CTDSPL2: variants seen among roughly 807,000 people sequenced by gnomAD.
The protein encoded by CTDSPL2 is CTD small phosphatase like 2.
CTDSPL2 carries 5 observed loss-of-function variants against 60.0 expected under a neutral mutation model. That is an observed-to-expected ratio of 0.08 (90% CI 0.04 to 0.18). The LOEUF is 0.18. Among genes scored for constraint, CTDSPL2 ranks in the 10% least tolerant of loss-of-function variants. The pLI is 1.00. For synonymous variants in CTDSPL2, 186 were observed against 189.3 expected, an observed-to-expected ratio of 0.98 and a Z score of 0.14; for missense variants, 370 against 548.8, an observed-to-expected ratio of 0.67 and a Z score of 3.26.
intron 1 of CTDSPL2, among the ~76,000 whole-genome samples, chr15:44,430,760 A>C (rs1342285730): frequency 6.6e-6 from 1 of 152,124 alleles, no homozygotes; most frequent in Non-Finnish European, 1.5e-5. Context: ...TTCTGGTTAA[A>C]AGTAAGCTAA....
At chr15:44,515,493 A>C (rs1490927122) in intron 10 of CTDSPL2, among the ~76,000 whole-genome samples, 1 of 152,194 alleles carries the variant, frequency 6.6e-6, no homozygotes, top group Non-Finnish European at 1.5e-5. Flanking sequence ...AGACTGCAGC[A>C]GTCTTGCTGT....
intron 1 of CTDSPL2, among the ~76,000 whole-genome samples, chr15:44,433,055 A>T (rs2079893246): frequency 2.0e-5 from 3 of 151,510 alleles, no homozygotes; most frequent in Non-Finnish European, 4.4e-5. Context: ...GTGGCTCATG[A>T]TTGTAATCCC....
intron 1 of CTDSPL2, among the ~76,000 whole-genome samples, chr15:44,433,785 A>T (rs901998022): frequency 2.0e-5 from 3 of 151,764 alleles, no homozygotes; most frequent in East Asian, 2.0e-4. Context: ...CCCCGTCTCT[A>T]CTAAAAATAC....
intron 5 of CTDSPL2, among the ~76,000 whole-genome samples, chr15:44,492,689 T>C (rs554833445): frequency 1.3e-5 from 2 of 152,368 alleles, no homozygotes; most frequent in Admixed American, 1.3e-4. Context: ...AATAGGTTTA[T>C]TTTAAAGTCA....
At chr15:44,436,725 A>G (rs1346325219) in intron 1 of CTDSPL2, among the ~76,000 whole-genome samples, 2 of 152,204 alleles carry the variant, frequency 1.3e-5, no homozygotes, top group African/African-American at 4.8e-5. Flanking sequence ...CCAACTGTAA[A>G]TATACATAAA....
intron 2 of CTDSPL2, among the ~76,000 whole-genome samples, chr15:44,480,278 T>G (rs1471803380): frequency 6.6e-6 from 1 of 152,202 alleles, no homozygotes; most frequent in Non-Finnish European, 1.5e-5. Flanking sequence ...TGGTTTCCAG[T>G]GACTACCTAC....
chr15:44,500,862 T>C (rs538032215), intron 8 of CTDSPL2, among the ~76,000 whole-genome samples: 1 of 152,302 alleles, frequency 6.6e-6, no homozygotes, highest in South Asian at 2.1e-4. Flanking sequence ...AGGGTAGGTA[T>C]TGTAGCTATG....
intron 1 of CTDSPL2, among the ~76,000 whole-genome samples, chr15:44,435,211 C>T (rs561812831): frequency 6.8e-6 from 1 of 147,598 alleles, no homozygotes; most frequent in East Asian, 2.0e-4. Context: ...GAGCCGAGAT[C>T]ACGCCACTGT....
At chr15:44,452,905 T>C (rs993755021) in intron 1 of CTDSPL2, among the ~76,000 whole-genome samples, 7 of 152,172 alleles carry the variant, frequency 4.6e-5, no homozygotes, top group Non-Finnish European at 1.0e-4. Flanking sequence ...TGTAGGACTT[T>C]ATATATTCTA....
At chr15:44,450,724 T>A (rs1308561291) in intron 1 of CTDSPL2, among the ~76,000 whole-genome samples, 1 of 150,228 alleles carries the variant, frequency 6.7e-6, no homozygotes, top group East Asian at 2.0e-4. Flanking sequence ...AGCCTCCAAG[T>A]AGCTGAGATT....
intron 2 of CTDSPL2, among the ~76,000 whole-genome samples, chr15:44,461,062 T>C (rs999739300): frequency 6.6e-6 from 1 of 152,230 alleles, no homozygotes; most frequent in Non-Finnish European, 1.5e-5. Context: ...CCTTCAGTCA[T>C]TATACAGGGC....
chr15:44,467,746 T>C (rs918440201), intron 2 of CTDSPL2, among the ~76,000 whole-genome samples: 2 of 152,070 alleles, frequency 1.3e-5, no homozygotes, highest in Non-Finnish European at 2.9e-5. Context: ...GCTAATTCTT[T>C]GTATTTTTAG....
intron 8 of CTDSPL2, chr15:44,501,900 C>A: frequency 2.4e-6 from 1 of 423,688 alleles, no homozygotes; most frequent in Non-Finnish European, 4.6e-6. Flanking sequence ...GGTTAGGGTT[C>A]CCCCAGTTTT....
At chr15:44,435,540 G>T (rs2079959524) in intron 1 of CTDSPL2, among the ~76,000 whole-genome samples, 1 of 150,338 alleles carries the variant, frequency 6.7e-6, no homozygotes, top group Non-Finnish European at 1.5e-5. Flanking sequence ...TCGCAGTCCA[G>T]CCTGGGCAAG....
chr15:44,507,076 TG>T (rs2081481755), intron 8 of CTDSPL2, among the ~76,000 whole-genome samples: 1 of 148,764 alleles, frequency 6.7e-6, no homozygotes, highest in African/African-American at 2.5e-5. Context: ...TTTTTTTGTT[TG>T]TTTTTTGTTT....
At chr15:44,493,220 G>T (rs1198592302) in intron 5 of CTDSPL2, among the ~76,000 whole-genome samples, 1 of 152,166 alleles carries the variant, frequency 6.6e-6, no homozygotes, top group Non-Finnish European at 1.5e-5. Context: ...AAATGACATG[G>T]TGTGTCACAT....
chr15:44,471,132 C>T lies in CTDSPL2; in HGVS notation c.186+11932C>T, dbSNP rs114466743. On this transcript the variant is annotated intron_variant, in intron 2 of 12. Coordinates refer to ENST00000260327, the MANE Select transcript of CTDSPL2 (RefSeq NM_016396.3). ...TATCTTGCTTCCTTCACACACACAA[C>T]ATACATTTTTTGGTTTCTTCCGCGT... Among the ~76,000 whole-genome samples, 375 of 152,274 alleles carry T rather than the reference C, an allele frequency of 2.5e-3. 2 individuals are homozygous for T. The highest frequency in any genetic ancestry group is 8.6e-3 in the African/African-American group (356 of 41,556).
intron 1 of CTDSPL2, among the ~76,000 whole-genome samples, chr15:44,444,762 T>C (rs2080168846): frequency 6.7e-6 from 1 of 149,274 alleles, no homozygotes. Context: ...TTTAGATATA[T>C]AGTTTTCCCA....
chr15:44,519,589 T>C (rs1479126260), intron 11 of CTDSPL2: 1 of 227,806 alleles, frequency 4.4e-6, no homozygotes. Flanking sequence ...AATTTAATCA[T>C]AAACATATTT....
Sources: gnomAD v4.1 joint callset for allele counts (sites outside exome capture counted in the v4.1 genomes callset) on GRCh38, gnomAD v4.1.1 for gene constraint, MANE v1.5 for transcripts, NCBI Gene and HGNC (gene_info 2026-07-23, HGNC 2026-07-21) for gene names.